RAB3C: variants seen among roughly 807,000 people sequenced by gnomAD.
RAB3C encodes the protein RAB3C, member RAS oncogene family, also known as ras-related protein Rab-3C.
In RAB3C, 17 loss-of-function variants were observed where a neutral mutation model predicts 26.4. That is an observed-to-expected ratio of 0.64 (90% CI 0.44 to 0.97). The LOEUF (loss-of-function observed/expected upper bound fraction) is 0.97. Among genes scored for constraint, RAB3C ranks in the 50% least tolerant of loss-of-function variants. The probability of loss-of-function intolerance (pLI) is 0.00; values close to 1 mark genes in which losing one functional copy is unlikely to be tolerated. For synonymous variants in RAB3C, 91 were observed against 95.9 expected (o/e 0.95, Z 0.30); for missense variants, 242 against 281.9 (o/e 0.86, Z 1.01).
At chr5:58,795,000 C>A (rs1442430415) in intron 3 of RAB3C, among the ~76,000 whole-genome samples, 2 of 152,316 alleles carry the variant, frequency 1.3e-5, no homozygotes, top group East Asian at 3.9e-4. Flanking sequence ...CTAATCTCAT[C>A]TTGAATCGTA....
rs1239490453 is a variant in RAB3C at position 58,855,259 on chromosome 5, G to T, written c.*3908G>T. 1 of 152,164 alleles carries T rather than the reference G, an allele frequency of 6.6e-6. No homozygotes were observed. Among genetic ancestry groups the T allele is most frequent in the Non-Finnish European group, 1.5e-5 (1 of 68,038 alleles). The allele number at this position is 152,164 out of a possible 1,614,324, so 9.4% of individuals were successfully genotyped here. A position where few individuals can be genotyped will look rare whatever the true frequency, so the allele number is the denominator to read the frequency against. ...ACCTGCATGTGAAAAACTGTGATAT[G>T]AATCTTATTTATAAAAAAGTCATAA... is the stretch of plus-strand genomic sequence containing the variant. On this transcript the variant is annotated 3_prime_UTR_variant, in exon 5 of 5. Coordinates refer to ENST00000282878, the MANE Select transcript of RAB3C (RefSeq NM_138453.4).
At chr5:58,629,517 G>A (rs544301831) in intron 2 of RAB3C, among the ~76,000 whole-genome samples, 4 of 152,156 alleles carry the variant, frequency 2.6e-5, no homozygotes, top group Non-Finnish European at 4.4e-5. Context: ...AGAAACAGGC[G>A]TGGAAATAAA....
intron 3 of RAB3C, among the ~76,000 whole-genome samples, chr5:58,798,160 A>G (rs2112023562): frequency 6.6e-6 from 1 of 152,202 alleles, no homozygotes; most frequent in East Asian, 1.9e-4. Context: ...GAAAATCACA[A>G]TTTTTCAACC....
intron 2 of RAB3C, among the ~76,000 whole-genome samples, chr5:58,633,763 A>G (rs977999799): frequency 6.6e-6 from 1 of 152,178 alleles, no homozygotes; most frequent in African/African-American, 2.4e-5. Flanking sequence ...TACATATTGA[A>G]TTAATGAATG....
intron 2 of RAB3C, among the ~76,000 whole-genome samples, chr5:58,702,600 C>CTT (rs1748869318): frequency 6.6e-6 from 1 of 152,032 alleles, no homozygotes; most frequent in Non-Finnish European, 1.5e-5. Flanking sequence ...CTTTCTCTCT[C>CTT]TCCTGCACAC....
intron 3 of RAB3C, among the ~76,000 whole-genome samples, chr5:58,768,598 G>A (rs1741958843): frequency 6.6e-6 from 1 of 152,126 alleles, no homozygotes; most frequent in South Asian, 2.1e-4. Context: ...CACTTGAGCA[G>A]AGACCTGAAT....
At chr5:58,686,265 A>T (rs954754450) in intron 2 of RAB3C, among the ~76,000 whole-genome samples, 6 of 152,148 alleles carry the variant, frequency 3.9e-5, no homozygotes, top group African/African-American at 7.2e-5. Flanking sequence ...AGTGAAAGAC[A>T]AAAGGGATCA....
chr5:58,681,849 G>A (rs569729501), intron 2 of RAB3C, among the ~76,000 whole-genome samples: 4 of 152,142 alleles, frequency 2.6e-5, no homozygotes, highest in African/African-American at 7.2e-5. Context: ...TTTAGAGGCA[G>A]GTTGATTAGG....
intron 3 of RAB3C, among the ~76,000 whole-genome samples, chr5:58,773,531 C>A (rs1264136454): frequency 6.6e-6 from 1 of 152,020 alleles, no homozygotes; most frequent in African/African-American, 2.4e-5. Context: ...GGTGGCTACT[C>A]CCCTTGAATA....
chr5:58,743,935 T>C (rs562108314), intron 3 of RAB3C, among the ~76,000 whole-genome samples: 2 of 152,238 alleles, frequency 1.3e-5, no homozygotes, highest in Non-Finnish European at 2.9e-5. Flanking sequence ...ATAGCTGTAT[T>C]TTCAGAACTA....
At position 58,842,400 on chromosome 5, in the gene RAB3C, T is replaced by C. The variant is rs1000714062; in HGVS notation, c.497-8764T>C. ...ATTCTCAGTGGATGACTTTTTCTTG[T>C]CTCAATCCCAAATCCCAAAGATATA... On this transcript the variant is annotated intron_variant, in intron 4 of 4. Transcript: ENST00000282878. 3.3e-5 allele frequency among the ~76,000 whole-genome samples: 5 copies of C among 152,310 alleles called. No individual in the cohort carries two copies. In the East Asian group the frequency reaches 9.7e-4, roughly 29 times the overall value.
At chr5:58,689,714 C>T (rs1748522430) in intron 2 of RAB3C, among the ~76,000 whole-genome samples, 1 of 152,160 alleles carries the variant, frequency 6.6e-6, no homozygotes, top group East Asian at 1.9e-4. Context: ...TCCATTCATT[C>T]CCTTGACACA....
intron 3 of RAB3C, among the ~76,000 whole-genome samples, chr5:58,761,061 T>TCACA (rs769194224): frequency 0.021 from 2,611 of 126,482 alleles, 54 homozygotes; most frequent in African/African-American, 0.066. Flanking sequence ...TCTCTCTCTC[T>TCACA]CTCACACACA....
At chr5:58,623,046 T>C (rs183229648) in intron 2 of RAB3C, among the ~76,000 whole-genome samples, 2 of 152,368 alleles carry the variant, frequency 1.3e-5, no homozygotes, top group East Asian at 1.9e-4. Context: ...ATATTATTTA[T>C]AGTTACAGAA....
rs140962508 is a variant in RAB3C, at chr5:58,657,230, T to C, written c.252+39360T>C. 8.0e-4 allele frequency among the ~76,000 whole-genome samples: 121 copies of C among 151,510 alleles called. 1 individual carries two copies. The highest frequency in any genetic ancestry group is 2.9e-3 in the African/African-American group (118 of 41,256). ...CTGATACAATGGACTTTGAGGACTT[T>C]GGGGGGAAGAATGGGAAGGGGGTGA... On this transcript the variant is annotated intron_variant, in intron 2 of 4. Coordinates refer to ENST00000282878, the MANE Select transcript of RAB3C (RefSeq NM_138453.4).
At chr5:58,747,110 G>A (rs1741417199) in intron 3 of RAB3C, among the ~76,000 whole-genome samples, 1 of 151,692 alleles carries the variant, frequency 6.6e-6, no homozygotes, top group Non-Finnish European at 1.5e-5. Flanking sequence ...AAATCTTCTG[G>A]TTTTTTTTCT....
intron 3 of RAB3C, among the ~76,000 whole-genome samples, chr5:58,732,287 A>G (rs1352151625): frequency 1.3e-5 from 2 of 151,510 alleles, no homozygotes; most frequent in Non-Finnish European, 2.9e-5. Flanking sequence ...CAAGGCCAAA[A>G]AAATTTTTTT....
intron 3 of RAB3C, among the ~76,000 whole-genome samples, chr5:58,755,432 C>T (rs1046203731): frequency 2.6e-5 from 4 of 152,118 alleles, no homozygotes; most frequent in Non-Finnish European, 5.9e-5. Context: ...ATTTTGGGTA[C>T]CATTATAAAC....
At chr5:58,645,028 A>C (rs1747488867) in intron 2 of RAB3C, among the ~76,000 whole-genome samples, 1 of 152,264 alleles carries the variant, frequency 6.6e-6, no homozygotes, top group Non-Finnish European at 1.5e-5. Flanking sequence ...TTTATGATCA[A>C]AGCAGCTATC....
Sources: allele counts gnomAD v4.1 joint callset (sites outside exome capture counted in the v4.1 genomes callset), GRCh38; gene constraint gnomAD v4.1.1; transcripts MANE v1.5; gene names NCBI Gene and HGNC (gene_info 2026-07-23, HGNC 2026-07-21).